SPHKAP: variants seen among roughly 807,000 people sequenced by gnomAD.
SPHKAP encodes the protein SPHK1 interactor, AKAP domain containing.
SPHKAP carries 67 observed loss-of-function variants against 137.5 expected under a neutral mutation model. That is an observed-to-expected ratio of 0.49 (90% CI 0.40 to 0.60). SPHKAP has a LOEUF of 0.60. SPHKAP is among the 20% of genes least tolerant of loss of function. The pLI is 0.00. For missense variants in SPHKAP, 2,097 were observed against 2,069.3 expected (o/e 1.01, Z -0.26); for synonymous variants, 813 against 785.3 (o/e 1.04, Z -0.59).
intron 1 of SPHKAP, among the ~76,000 whole-genome samples, chr2:228,132,752 C>A (rs1249344173): frequency 6.6e-6 from 1 of 151,258 alleles, no homozygotes; most frequent in Non-Finnish European, 1.5e-5. Context: ...AATCACAACA[C>A]TTTGGGAAGC....
chr2:228,063,142 C>CT (rs1559153736), intron 3 of SPHKAP, among the ~76,000 whole-genome samples: 2 of 114,054 alleles, frequency 1.8e-5, no homozygotes, highest in South Asian at 2.9e-4. Flanking sequence ...ATAGATAGAT[C>CT]CCTATCTATC....
rs1019412668 is a variant in SPHKAP, at chr2:228,016,312, T to A, written c.4448+94A>T. The A allele has an allele frequency of 2.7e-6, 4 of 1,470,552 alleles. No individual in the cohort carries two copies. In the Admixed American group the frequency reaches 7.5e-5, roughly 28 times the overall value. 91.1% of individuals were successfully genotyped at this position (1,470,552 alleles called of 1,614,324 possible). On this transcript the variant is annotated intron_variant, in intron 7 of 11. Coordinates refer to ENST00000392056, the MANE Select transcript of SPHKAP (RefSeq NM_001142644.2). ...CTTGAAAATTTAGTTCTTGCACCAATCAAATCCTTTATGTCTAAAATTTAG... is the reference window on the plus strand; with the variant it reads ...CTTGAAAATTTAGTTCTTGCACCAAACAAATCCTTTATGTCTAAAATTTAG...
intron 3 of SPHKAP, among the ~76,000 whole-genome samples, chr2:228,064,665 A>T (rs1298487593): frequency 6.6e-6 from 1 of 152,166 alleles, no homozygotes; most frequent in Non-Finnish European, 1.5e-5. Context: ...TGACATCTTG[A>T]TGGGAAAGAG....
At chr2:228,047,570 G>T (rs1281862091) in intron 3 of SPHKAP, among the ~76,000 whole-genome samples, 11 of 151,944 alleles carry the variant, frequency 7.2e-5, no homozygotes, top group Non-Finnish European at 1.6e-4. Flanking sequence ...AAGCCCCACA[G>T]CTACTTCATT....
intron 1 of SPHKAP, among the ~76,000 whole-genome samples, chr2:228,148,976 A>T (rs980862301): frequency 6.6e-6 from 1 of 152,198 alleles, no homozygotes; most frequent in Non-Finnish European, 1.5e-5. Flanking sequence ...TCCAGATAAC[A>T]TCTGTCTTGG....
chr2:228,160,964 T>A (rs1358696616), intron 1 of SPHKAP, among the ~76,000 whole-genome samples: 1 of 152,218 alleles, frequency 6.6e-6, no homozygotes, highest in African/African-American at 2.4e-5. Context: ...TCAAATGCGA[T>A]GAGGCACTGT....
chr2:228,134,769 C>T (rs2106379072), intron 1 of SPHKAP, among the ~76,000 whole-genome samples: 1 of 152,302 alleles, frequency 6.6e-6, no homozygotes. Flanking sequence ...TCCCACAGCT[C>T]TGTGTCCTGT....
intron 1 of SPHKAP, among the ~76,000 whole-genome samples, chr2:228,141,103 C>G (rs1029031726): frequency 1.3e-5 from 2 of 152,190 alleles, no homozygotes; most frequent in Non-Finnish European, 2.9e-5. Context: ...GCTGTGATCT[C>G]TAACACTCCT....
intron 3 of SPHKAP, among the ~76,000 whole-genome samples, chr2:228,080,643 G>T (rs1163509898): frequency 6.6e-6 from 1 of 152,008 alleles, no homozygotes; most frequent in Non-Finnish European, 1.5e-5. Context: ...GGAGGCAGAG[G>T]TTGCAGTGAG....
intron 1 of SPHKAP, among the ~76,000 whole-genome samples, chr2:228,154,653 A>G (rs1242467595): frequency 7.3e-6 from 1 of 136,640 alleles, no homozygotes; most frequent in Non-Finnish European, 1.5e-5. Context: ...GGTTCACGCC[A>G]TTCTCCTACC....
Position 228,153,232 on chromosome 2 carries a change from C to T in SPHKAP, c.33-21147G>A, listed in dbSNP as rs144298550. 4.8e-3 allele frequency among the ~76,000 whole-genome samples: 730 copies of T among 152,230 alleles called. 6 individuals carry two copies. Among genetic ancestry groups the T allele is most frequent in the African/African-American group, 0.016 (685 of 41,560 alleles). On this transcript the variant is annotated intron_variant, in intron 1 of 11. Coordinates refer to ENST00000392056, the MANE Select transcript of SPHKAP (RefSeq NM_001142644.2). ...CCCTCCTAACTTACATTATTGCCTA[C>T]ATTTTTATTATTTTTGACCCCACAG... is the stretch of plus-strand genomic sequence containing the variant.
At chr2:228,141,136 C>T (rs548326312) in intron 1 of SPHKAP, among the ~76,000 whole-genome samples, 4 of 152,262 alleles carry the variant, frequency 2.6e-5, no homozygotes, top group African/African-American at 7.2e-5. Context: ...CTTCTGTGAC[C>T]GTGTCATCTA....
In SPHKAP at chr2:228,017,095, C is replaced by T; in HGVS notation, c.3759G>A (p.Val1253=). The T allele has an allele frequency of 6.2e-7, 1 of 1,614,052 alleles. No homozygotes were observed. The highest frequency in any genetic ancestry group is 1.3e-5 in the African/African-American group (1 of 74,988). Residue 1253 remains valine (V), a synonymous_variant, in exon 7 of 12, where the codon GTG becomes GTA. Transcript: ENST00000392056. Reference sequence around the variant, plus strand: ...CATCTAAAGAGTTGGCTTTGATGGGCACATTCACTGTCAGCCTGGAGCATG... The same window carrying T: ...CATCTAAAGAGTTGGCTTTGATGGGTACATTCACTGTCAGCCTGGAGCATG... ...RSPCSRLTVN[V]PIKANSLDGF...
At chr2:228,099,283 A>T in intron 3 of SPHKAP, among the ~76,000 whole-genome samples, 1 of 152,188 alleles carries the variant, frequency 6.6e-6, no homozygotes, top group East Asian at 1.9e-4. Flanking sequence ...TTTATTGAAC[A>T]GGAAGTCCTT....
intron 1 of SPHKAP, among the ~76,000 whole-genome samples, chr2:228,180,059 G>A (rs1334349600): frequency 6.6e-6 from 1 of 152,038 alleles, no homozygotes; most frequent in African/African-American, 2.4e-5. Context: ...ATGCCTTTGC[G>A]TAAACATCAC....
intron 2 of SPHKAP, among the ~76,000 whole-genome samples, chr2:228,120,554 C>G (rs4311051): frequency 0.11 from 16,475 of 152,208 alleles, 1,129 homozygotes; most frequent in East Asian, 0.18. Context: ...ACCTGCATAG[C>G]TTCCACACAG....
At chr2:228,115,628 G>A (rs1271603129) in intron 2 of SPHKAP, among the ~76,000 whole-genome samples, 2 of 152,250 alleles carry the variant, frequency 1.3e-5, no homozygotes, top group East Asian at 3.9e-4. Flanking sequence ...ATACAACAGT[G>A]AGTAATATGT....
chr2:228,038,287 G>A (rs1695709575), intron 3 of SPHKAP, among the ~76,000 whole-genome samples: 1 of 152,196 alleles, frequency 6.6e-6, no homozygotes, highest in African/African-American at 2.4e-5. Context: ...AATTTGAGGT[G>A]AGCTTGGAGG....
chr2:228,181,586 A>G lies in SPHKAP; in HGVS notation c.13T>C (p.Ser5Pro), dbSNP rs778408570. 6.2e-7 allele frequency: 1 copy of G among 1,614,112 alleles called. No individual in the cohort carries two copies. Among genetic ancestry groups the G allele is most frequent in the East Asian group, 2.2e-5 (1 of 44,866 alleles). The change falls in exon 1 of 12, where the codon TCC (serine) becomes CCC (proline). Residue 5 changes from serine (S) to proline (P), a missense_variant. Ser to Pro is a moderately conservative substitution (Grantham distance 74). Coordinates refer to ENST00000392056, the MANE Select transcript of SPHKAP (RefSeq NM_001142644.2). The surrounding 1 kb of genome is among the most constrained non-coding windows in gnomAD (Gnocchi z 4.3). ...TCTTACCTTGGTACCGAGAGCAGGG[A>G]GTTGCCATCCATTGTTGGTGGGCGC... is the stretch of plus-strand genomic sequence containing the variant. MDGN[S>P]LLSVPSNLES...
Sources: gnomAD v4.1 joint callset for allele counts (sites outside exome capture counted in the v4.1 genomes callset) on GRCh38, gnomAD v4.1.1 for gene constraint, Gnocchi (gnomAD v3.1) non-coding constraint, MANE v1.5 for transcripts, NCBI Gene and HGNC (gene_info 2026-07-23, HGNC 2026-07-21) for gene names.